The following CALN1 variants were observed in gnomAD, a reference collection of about 807,000 sequenced individuals.
CALN1 encodes calcium-binding protein 8.
In CALN1, 17 loss-of-function variants were observed where a neutral mutation model predicts 30.6. The ratio of observed to expected loss-of-function variants is 0.56; its 90% confidence interval spans 0.38 to 0.83. The LOEUF (loss-of-function observed/expected upper bound fraction) is 0.83. Among genes scored for constraint, CALN1 ranks in the 40% least tolerant of loss-of-function variants. The pLI is 0.00. For missense variants in CALN1, 291 were observed against 354.9 expected, an observed-to-expected ratio of 0.82 and a Z score of 1.45; for synonymous variants, 156 against 131.4, an observed-to-expected ratio of 1.19 and a Z score of -1.28.
chr7:72,242,919 T>C (rs1032939450), intron 3 of CALN1, among the ~76,000 whole-genome samples: 6 of 152,182 alleles, frequency 3.9e-5, no homozygotes, highest in Non-Finnish European at 5.9e-5. Context: ...AAATAAAAAT[T>C]AACTGGCTTT....
chr7:72,038,126 G>A (rs1352610834), intron 4 of CALN1, among the ~76,000 whole-genome samples: 5 of 151,962 alleles, frequency 3.3e-5, no homozygotes, highest in Non-Finnish European at 7.4e-5. Flanking sequence ...CAGAACACAC[G>A]TCCCTGATAT....
chr7:71,849,255 T>C (rs1160785338), intron 5 of CALN1, among the ~76,000 whole-genome samples: 1 of 152,196 alleles, frequency 6.6e-6, no homozygotes, highest in African/African-American at 2.4e-5. Flanking sequence ...ATCCCATCCT[T>C]AGCCCAAGTG....
rs767526121 is a variant in CALN1 at position 72,278,782 on chromosome 7, C to T, written c.148G>A (p.Ala50Thr). 89 of 1,613,478 alleles carry T rather than the reference C, an allele frequency of 5.5e-5. No homozygotes were observed. The highest frequency in any genetic ancestry group is 6.7e-5 in the Non-Finnish European group (79 of 1,179,650). Residue 50 changes from alanine to threonine, a missense_variant, in exon 3 of 7, where the codon GCC (alanine) becomes ACC (threonine). This residue lies in a region of CALN1 where 122 missense variants were observed against 103.2 expected (regional missense o/e 1.18). Transcript: ENST00000395275. ...WEKMPFHHVT[A>T]GLLYKGNYLN... ...TAATTCCCCTTGTACAACAAGCCGG[C>T]GGTCACATGGTGGAACGGCATCTTT...
chr7:72,089,264 C>T (rs576879375), intron 4 of CALN1, among the ~76,000 whole-genome samples: 2 of 152,072 alleles, frequency 1.3e-5, no homozygotes, highest in East Asian at 3.9e-4. Flanking sequence ...GAGATAATCT[C>T]ACAAAAAATT....
At chr7:72,452,931 C>T in the CALN1 span, among the ~76,000 whole-genome samples, 1 of 152,064 alleles carries the variant, frequency 6.6e-6, no homozygotes, top group South Asian at 2.1e-4. Flanking sequence ...CTCCTACCTG[C>T]CGGCTTCCTG....
chr7:72,425,014 C>T (rs1434627656), intron 1 of CALN1, among the ~76,000 whole-genome samples: 1 of 152,136 alleles, frequency 6.6e-6, no homozygotes, highest in East Asian at 1.9e-4. Flanking sequence ...ACAATCAATC[C>T]ACAGGCTCTA....
chr7:72,368,137 G>C (rs1196773060), intron 2 of CALN1, among the ~76,000 whole-genome samples: 1 of 150,938 alleles, frequency 6.6e-6, no homozygotes, highest in Admixed American at 6.6e-5. Flanking sequence ...ATACATATCT[G>C]TATCTATATC....
chr7:72,152,924 G>A (rs1787369189), intron 3 of CALN1, among the ~76,000 whole-genome samples: 1 of 152,176 alleles, frequency 6.6e-6, no homozygotes, highest in Admixed American at 6.5e-5. Flanking sequence ...ACTGTTCCTT[G>A]CCAGTTGGAC....
At chr7:72,112,089 T>G (rs576931071) in intron 3 of CALN1, among the ~76,000 whole-genome samples, 5 of 152,268 alleles carry the variant, frequency 3.3e-5, no homozygotes, top group Admixed American at 6.5e-5. Context: ...TGGGACCTAG[T>G]GCCCTCTGAG....
chr7:72,479,197 T>C, the CALN1 span, among the ~76,000 whole-genome samples: 1 of 152,172 alleles, frequency 6.6e-6, no homozygotes, highest in East Asian at 1.9e-4. Flanking sequence ...CACTTCTTGG[T>C]TGAAGTGTGT....
At chr7:72,024,115 A>G (rs1215303739) in intron 4 of CALN1, among the ~76,000 whole-genome samples, 1 of 152,224 alleles carries the variant, frequency 6.6e-6, no homozygotes, top group Admixed American at 6.5e-5. Flanking sequence ...GCTTCACCCC[A>G]TCTCTTCCAC....
intron 4 of CALN1, among the ~76,000 whole-genome samples, chr7:72,075,239 C>A (rs1056235895): frequency 1.3e-5 from 2 of 152,224 alleles, no homozygotes; most frequent in Admixed American, 1.3e-4. Flanking sequence ...ATCTGCTTTA[C>A]ACAGTCTACC....
intron 4 of CALN1, among the ~76,000 whole-genome samples, chr7:72,044,097 G>A (rs917314572): frequency 1.3e-5 from 2 of 151,764 alleles, no homozygotes; most frequent in African/African-American, 4.8e-5. Context: ...AATTCAAGAT[G>A]AGATTTGGGT....
intron 2 of CALN1, among the ~76,000 whole-genome samples, chr7:72,378,442 GA>G (rs1323274317): frequency 5.3e-5 from 8 of 152,104 alleles, no homozygotes; most frequent in African/African-American, 1.9e-4. Flanking sequence ...CCAACAAGTT[GA>G]TTCTGACCAT....
At chr7:72,462,079 T>A in the CALN1 span, among the ~76,000 whole-genome samples, 2,919 of 152,228 alleles carry the variant, frequency 0.019, 99 homozygotes, top group African/African-American at 0.066. Context: ...TTAGGAGTTG[T>A]ATGCCAGGAA....
chr7:72,453,992 A>C, the CALN1 span, among the ~76,000 whole-genome samples: 1 of 148,860 alleles, frequency 6.7e-6, no homozygotes, highest in Non-Finnish European at 1.5e-5. Context: ...CACAACCAAA[A>C]AATATATATA....
intron 5 of CALN1, among the ~76,000 whole-genome samples, chr7:71,995,317 A>G (rs1177179834): frequency 6.6e-6 from 1 of 152,152 alleles, no homozygotes; most frequent in African/African-American, 2.4e-5. Flanking sequence ...GCTGTCATTC[A>G]CCCGTGCAAG....
At chr7:72,318,997 GAGAA>G (rs767705818) in intron 2 of CALN1, among the ~76,000 whole-genome samples, 23 of 152,138 alleles carry the variant, frequency 1.5e-4, no homozygotes, top group Non-Finnish European at 2.9e-4. Context: ...GAACTGAAAA[GAGAA>G]CTACATTTGA....
chr7:72,379,319 A>C (rs1804753412), intron 2 of CALN1, among the ~76,000 whole-genome samples: 1 of 152,330 alleles, frequency 6.6e-6, no homozygotes, highest in African/African-American at 2.4e-5. Context: ...TTCTCTGATA[A>C]TACAGTAATT....
Sources: allele counts gnomAD v4.1 joint callset (sites outside exome capture counted in the v4.1 genomes callset), GRCh38; gene constraint gnomAD v4.1.1; regional missense constraint gnomAD v4.1.1; transcripts MANE v1.5; gene names NCBI Gene and HGNC (gene_info 2026-07-23, HGNC 2026-07-21).